The following MROH9 variants were observed in gnomAD, a reference collection of about 807,000 sequenced individuals.
The protein encoded by MROH9 is maestro heat like repeat family member 9.
MROH9 carries 92 observed loss-of-function variants against 98.2 expected under a neutral mutation model. The observed-to-expected ratio is 0.94, with a 90% CI of 0.79 to 1.11. The LOEUF is 1.11. Among genes scored for constraint, MROH9 ranks in the 50% most tolerant of loss-of-function variants. The pLI, the probability that MROH9 is intolerant of heterozygous loss-of-function variation, is 0.00. For synonymous variants in MROH9, 397 were observed against 368.9 expected, an observed-to-expected ratio of 1.08 and a Z score of -0.87; for missense variants, 1,057 against 1,014.8, an observed-to-expected ratio of 1.04 and a Z score of -0.57.
At chr1:170,942,898 G>T (rs1459832878) in intron 1 of MROH9, among the ~76,000 whole-genome samples, 1 of 152,098 alleles carries the variant, frequency 6.6e-6, no homozygotes, top group Non-Finnish European at 1.5e-5. Flanking sequence ...GGGTAAAGGA[G>T]GCCAATTCTG....
chr1:171,053,504 A>G (rs58376221), intron 20 of MROH9, among the ~76,000 whole-genome samples: 22,342 of 152,242 alleles, frequency 0.15, 1,967 homozygotes, highest in African/African-American at 0.24. Flanking sequence ...CCCTCTGAGA[A>G]AAGATAAATT....
intron 4 of MROH9, among the ~76,000 whole-genome samples, chr1:170,959,155 C>A (rs968152448): frequency 5.3e-5 from 8 of 152,166 alleles, no homozygotes; most frequent in Admixed American, 4.6e-4. Flanking sequence ...GCGGGCGGAT[C>A]ATGAGGTCAG....
chr1:171,040,306 A>G (rs898452460), intron 20 of MROH9, among the ~76,000 whole-genome samples: 15 of 152,080 alleles, frequency 9.9e-5, no homozygotes, highest in African/African-American at 3.6e-4. Context: ...TATAGCATGA[A>G]AACTGTACTT....
At chr1:171,054,169 A>G (rs924955764) in intron 20 of MROH9, among the ~76,000 whole-genome samples, 3 of 152,206 alleles carry the variant, frequency 2.0e-5, no homozygotes, top group Non-Finnish European at 4.4e-5. Flanking sequence ...TAAACAATAA[A>G]TAATTAGAAG....
intron 8 of MROH9, among the ~76,000 whole-genome samples, chr1:170,978,619 C>T (rs979588363): frequency 6.6e-6 from 1 of 152,162 alleles, no homozygotes. Flanking sequence ...GGGAGTACTA[C>T]TGCAATTGCA....
At chr1:170,959,709 T>A (rs1275984752) in intron 5 of MROH9, 112 bp downstream of exon 5, 1 of 949,422 alleles carries the variant, frequency 1.1e-6, no homozygotes, top group African/African-American at 1.7e-5. Context: ...TCACTCTTTT[T>A]AGTTATAACA....
At chr1:171,025,864 A>C (rs1652692763) in intron 20 of MROH9, among the ~76,000 whole-genome samples, 1 of 150,444 alleles carries the variant, frequency 6.6e-6, no homozygotes, top group Admixed American at 6.7e-5. Flanking sequence ...GGGGCAACCC[A>C]GGAAGACTCT....
chr1:171,015,443 C>A (rs1358446660), intron 16 of MROH9, among the ~76,000 whole-genome samples: 1 of 152,106 alleles, frequency 6.6e-6, no homozygotes, highest in African/African-American at 2.4e-5. Context: ...TGGCCTCTGG[C>A]ATTGACATAG....
At chr1:171,038,341 G>C (rs1324494732) in intron 20 of MROH9, among the ~76,000 whole-genome samples, 1 of 152,122 alleles carries the variant, frequency 6.6e-6, no homozygotes, top group Non-Finnish European at 1.5e-5. Flanking sequence ...AAGATGCAAA[G>C]TTTTGTACTA....
chr1:170,986,402 A>G (rs942485065), intron 9 of MROH9, among the ~76,000 whole-genome samples, 159 bp from the exon 10 acceptor site: 1 of 152,162 alleles, frequency 6.6e-6, no homozygotes, highest in Non-Finnish European at 1.5e-5. Context: ...AATTTTTAAT[A>G]TTTTTCATGG....
chr1:171,014,938 T>G (rs1161876192), intron 16 of MROH9: 2 of 470,106 alleles, frequency 4.3e-6, no homozygotes, highest in African/African-American at 4.0e-5. Context: ...TGACTGTTAT[T>G]CAAGTTAAAG....
intron 20 of MROH9, among the ~76,000 whole-genome samples, chr1:171,058,795 C>T (rs562368570): frequency 2.8e-4 from 42 of 152,240 alleles, no homozygotes; most frequent in African/African-American, 9.9e-4. Context: ...TAGCCATATG[C>T]AGAAAACTGA....
At chr1:170,963,837 T>TGGA (rs758958063) in intron 6 of MROH9, among the ~76,000 whole-genome samples, 6 of 151,904 alleles carry the variant, frequency 3.9e-5, no homozygotes, top group Non-Finnish European at 7.4e-5. Context: ...TGACAAAGGG[T>TGGA]GGAGGTTGGG....
At chr1:171,061,619 G>A (rs962752365) in intron 20 of MROH9, among the ~76,000 whole-genome samples, 1 of 152,154 alleles carries the variant, frequency 6.6e-6, no homozygotes, top group African/African-American at 2.4e-5. Flanking sequence ...GTGGTATGAT[G>A]AAAACAACCA....
At chr1:171,027,576 G>T (rs1290614097) in intron 20 of MROH9, among the ~76,000 whole-genome samples, 3 of 152,162 alleles carry the variant, frequency 2.0e-5, no homozygotes, top group Non-Finnish European at 4.4e-5. Context: ...ACATAGTAAA[G>T]GGATTGCTGG....
In MROH9 at chr1:170,945,528, G is replaced by A. The variant is rs757763007; in HGVS notation, c.-29G>A. 3 of 1,611,548 alleles carry A rather than the reference G, an allele frequency of 1.9e-6. No homozygotes were observed. The Admixed American group carries it at 5.0e-5, about 27-fold the overall frequency. Reference sequence around the variant, plus strand: ...CGTGATATTTTTTGCAGCATTACTAGTAGAAGACTTTAATACACCTCTGTC... The same window carrying A: ...CGTGATATTTTTTGCAGCATTACTAATAGAAGACTTTAATACACCTCTGTC... On this transcript the variant is annotated 5_prime_UTR_variant, in exon 2 of 22. Coordinates refer to ENST00000367759, the MANE Select transcript of MROH9 (RefSeq NM_001163629.2).
At chr1:171,045,833 C>T (rs1653455512) in intron 20 of MROH9, among the ~76,000 whole-genome samples, 1 of 152,052 alleles carries the variant, frequency 6.6e-6, no homozygotes, top group Non-Finnish European at 1.5e-5. Flanking sequence ...CAGATTAAGT[C>T]TGATGTTTCT....
At chr1:170,976,208 C>T (rs893744005) in intron 8 of MROH9, among the ~76,000 whole-genome samples, 5 of 152,056 alleles carry the variant, frequency 3.3e-5, no homozygotes, top group African/African-American at 7.2e-5. Context: ...TGATTAATTA[C>T]GCAGACTTGT....
At chr1:170,953,666 C>T (rs1370498706) in intron 3 of MROH9, among the ~76,000 whole-genome samples, 2 of 149,936 alleles carry the variant, frequency 1.3e-5, no homozygotes, top group African/African-American at 4.9e-5. Context: ...ATTTCAAATG[C>T]TTTTATAGTT....
Sources: allele counts gnomAD v4.1 joint callset (sites outside exome capture counted in the v4.1 genomes callset), GRCh38; gene constraint gnomAD v4.1.1; transcripts MANE v1.5; gene names NCBI Gene and HGNC (gene_info 2026-07-23, HGNC 2026-07-21).